DPH6: variants seen among roughly 807,000 people sequenced by gnomAD.
DPH6 encodes the protein diphthine--ammonia ligase.
In DPH6, 33 loss-of-function variants were observed where a neutral mutation model predicts 38.2. The ratio of observed to expected loss-of-function variants is 0.86; its 90% CI spans 0.65 to 1.15. DPH6 has a LOEUF of 1.15. Ranked by LOEUF, DPH6 falls within the 50% of genes most tolerant of loss-of-function variation. The pLI, the probability that DPH6 is intolerant of heterozygous loss-of-function variation, is 0.00. For synonymous variants in DPH6, 108 were observed against 103.0 expected, an observed-to-expected ratio of 1.05 and a Z score of -0.30; for missense variants, 325 against 320.0, an observed-to-expected ratio of 1.02 and a Z score of -0.12.
intron 3 of DPH6, among the ~76,000 whole-genome samples, chr15:35,518,564 A>C (rs115019599): frequency 0.01 from 1,563 of 152,098 alleles, 23 homozygotes; most frequent in African/African-American, 0.036. Flanking sequence ...TTTCTACTAA[A>C]ATAAAGATTC....
At chr15:35,181,268 T>C in the DPH6 span, among the ~76,000 whole-genome samples, 1 of 152,000 alleles carries the variant, frequency 6.6e-6, no homozygotes, top group East Asian at 2.0e-4. Context: ...GTGTTTACAT[T>C]TGTGTTAGTG....
intron 3 of DPH6, chr15:35,298,635 G>T: frequency 9.5e-7 from 1 of 1,053,204 alleles, no homozygotes; most frequent in Non-Finnish European, 1.5e-6. Context: ...TTGCCACCAA[G>T]CTTGCTGGTC....
chr15:35,414,322 T>C (rs1402783211), intron 5 of DPH6, among the ~76,000 whole-genome samples: 1 of 151,778 alleles, frequency 6.6e-6, no homozygotes, highest in Non-Finnish European at 1.5e-5. Flanking sequence ...TTGTTCCTAA[T>C]GAAAATTATG....
At chr15:35,260,477 A>C (rs2051739286) in intron 3 of DPH6, among the ~76,000 whole-genome samples, 1 of 150,986 alleles carries the variant, frequency 6.6e-6, no homozygotes, top group African/African-American at 2.4e-5. Context: ...ATATTTAAAT[A>C]ATGTTAAATT....
At chr15:35,389,169 C>G (rs895398541) in intron 6 of DPH6, among the ~76,000 whole-genome samples, 2 of 152,138 alleles carry the variant, frequency 1.3e-5, no homozygotes, top group African/African-American at 2.4e-5. Context: ...GTTTCTCAAT[C>G]CTGAGTTCTA....
intron 3 of DPH6, among the ~76,000 whole-genome samples, chr15:35,465,680 TA>T (rs1257946803): frequency 6.6e-6 from 1 of 152,130 alleles, no homozygotes; most frequent in Non-Finnish European, 1.5e-5. Context: ...ATCATCAATA[TA>T]AAAAAATTTC....
At chr15:35,493,323 G>C (rs182918118) in intron 3 of DPH6, among the ~76,000 whole-genome samples, 32 of 152,266 alleles carry the variant, frequency 2.1e-4, no homozygotes, top group African/African-American at 7.0e-4. Flanking sequence ...ATAATTGATG[G>C]TTAGATTCCG....
intron 3 of DPH6, among the ~76,000 whole-genome samples, chr15:35,287,983 AC>A (rs1331052161): frequency 6.6e-6 from 1 of 152,260 alleles, no homozygotes; most frequent in African/African-American, 2.4e-5. Flanking sequence ...CCATAAATAA[AC>A]CACGGACAAT....
chr15:35,373,450 TTATATATGCAAAGCCAATG>T, intron 8 of DPH6, 52 bp downstream of exon 8: 1 of 1,326,536 alleles, frequency 7.5e-7, no homozygotes, highest in Non-Finnish European at 1.0e-6. Flanking sequence ...TGTTACAGAA[TTATATATGCAAAGCCAATG>T]TATATATCTC....
At chr15:35,174,816 G>A in the DPH6 span, among the ~76,000 whole-genome samples, 4 of 152,218 alleles carry the variant, frequency 2.6e-5, no homozygotes, top group South Asian at 6.2e-4. Context: ...ATGATCTCAG[G>A]AAAAATTAAG....
chr15:35,517,322 A>G (rs368466194), intron 3 of DPH6, among the ~76,000 whole-genome samples: 3 of 152,114 alleles, frequency 2.0e-5, no homozygotes, highest in Non-Finnish European at 2.9e-5. Flanking sequence ...CTCTCAGTAG[A>G]TAGAGCAGCT....
intron 2 of DPH6, among the ~76,000 whole-genome samples, chr15:35,541,891 A>G (rs960689499): frequency 1.9e-4 from 29 of 152,262 alleles, no homozygotes; most frequent in African/African-American, 7.0e-4. Flanking sequence ...CAGACAAATG[A>G]AAAGTGGGAA....
chr15:35,205,141 G>T, the DPH6 span, among the ~76,000 whole-genome samples: 1 of 151,932 alleles, frequency 6.6e-6, no homozygotes, highest in Non-Finnish European at 1.5e-5. Context: ...ATTACTTAGA[G>T]TTTGATTTTT....
the DPH6 span, among the ~76,000 whole-genome samples, chr15:35,163,314 C>T: frequency 6.6e-6 from 1 of 151,822 alleles, no homozygotes; most frequent in Non-Finnish European, 1.5e-5. Context: ...AATACTGATT[C>T]CCCAATTCCA....
At position 35,484,897 on chromosome 15, in the gene DPH6, C is replaced by T. The variant is rs193212725; in HGVS notation, c.313-30077G>A. On this transcript the variant is annotated intron_variant, in intron 3 of 8. Coordinates refer to ENST00000256538, the MANE Select transcript of DPH6 (RefSeq NM_080650.4). Reference sequence around the variant, plus strand: ...AACGTTTAAATAGAAAGAGAAAATACTATTCTATTTGCAGAAACTAAAAGC... The same window carrying T: ...AACGTTTAAATAGAAAGAGAAAATATTATTCTATTTGCAGAAACTAAAAGC... 1.4e-3 allele frequency among the ~76,000 whole-genome samples: 219 copies of T among 152,148 alleles called. 1 individual carries two copies. Among genetic ancestry groups the T allele is most frequent in the African/African-American group, 5.1e-3 (212 of 41,500 alleles).
At chr15:35,195,234 C>T in the DPH6 span, among the ~76,000 whole-genome samples, 4 of 152,158 alleles carry the variant, frequency 2.6e-5, no homozygotes, top group Non-Finnish European at 4.4e-5. Flanking sequence ...CATGTGGCTA[C>T]GAATGACAGG....
At chr15:35,507,440 T>A (rs558518515) in intron 3 of DPH6, among the ~76,000 whole-genome samples, 16 of 152,202 alleles carry the variant, frequency 1.1e-4, no homozygotes, top group African/African-American at 3.8e-4. Context: ...TATAAATGTA[T>A]CTTTTCTAGT....
intron 3 of DPH6, among the ~76,000 whole-genome samples, chr15:35,246,777 C>T (rs1446931108): frequency 2.6e-5 from 4 of 152,160 alleles, no homozygotes; most frequent in Non-Finnish European, 5.9e-5. Context: ...ACGTGGGAAG[C>T]TTAACGAGGT....
intron 5 of DPH6, among the ~76,000 whole-genome samples, chr15:35,431,037 T>C (rs1262256754): frequency 6.6e-6 from 1 of 152,090 alleles, no homozygotes; most frequent in African/African-American, 2.4e-5. Context: ...CTATATTCCA[T>C]CTGTTGTGTG....
Sources: gnomAD v4.1 joint callset for allele counts (sites outside exome capture counted in the v4.1 genomes callset) on GRCh38, gnomAD v4.1.1 for gene constraint, MANE v1.5 for transcripts, NCBI Gene and HGNC (gene_info 2026-07-23, HGNC 2026-07-21) for gene names.